STRA8: variants seen among roughly 807,000 people sequenced by gnomAD.
The protein encoded by STRA8 is stimulated by retinoic acid gene 8 protein homolog.
STRA8 carries 18 observed loss-of-function variants against 37.1 expected under a neutral mutation model. The ratio of observed to expected loss-of-function variants is 0.48; its 90% CI spans 0.34 to 0.72. The LOEUF (loss-of-function observed/expected upper bound fraction) is 0.72, where lower values mean the gene tolerates loss of function less well. Ranked by LOEUF, STRA8 falls within the 30% of genes least tolerant of loss-of-function variation. The pLI, the probability that STRA8 is intolerant of heterozygous loss-of-function variation, is 0.01. For synonymous variants in STRA8, 168 were observed against 162.9 expected (o/e 1.03, Z -0.24); for missense variants, 357 against 410.4 (o/e 0.87, Z 1.13).
chr7:135,235,029 G>A (rs1832349211), intron 1 of STRA8, among the ~76,000 whole-genome samples: 1 of 151,878 alleles, frequency 6.6e-6, no homozygotes, highest in African/African-American at 2.4e-5. Context: ...GGCACATGAC[G>A]CCCAGATAAT....
At chr7:135,232,131 TG>T, upstream of STRA8, 1 of 652,478 alleles carries the variant, frequency 1.5e-6, no homozygotes. Flanking sequence ...GGGCGGGAGG[TG>T]GGGTGACTAC....
chr7:135,245,860 C>A (rs1335865528), intron 5 of STRA8, among the ~76,000 whole-genome samples: 2 of 152,104 alleles, frequency 1.3e-5, no homozygotes, highest in African/African-American at 4.8e-5. Flanking sequence ...CTCTCTCCCC[C>A]AAAACACATA....
rs779839804 is a variant in STRA8, at chr7:135,246,550, G to A, written c.727G>A (p.Ala243Thr). ...LWQNLSEERKASLRQAWAQKH... is the reference protein window; with the variant it reads ...LWQNLSEERKTSLRQAWAQKH... ...GCAGAACCTCTCGGAGGAGAGGAAG[G>A]CCAGCCTCCGGCAGGCCTGGGCGCA... The change falls in exon 6 of 9, where the codon GCC becomes ACC. Residue 243 changes from alanine to threonine, a missense_variant. Coordinates refer to ENST00000662584, the MANE Select transcript of STRA8 (RefSeq NM_001394401.1). This position sits in a 1 kb window ranked among gnomAD's most constrained non-coding sequence, Gnocchi z 5.4. The A allele has an allele frequency of 2.6e-6, 4 of 1,568,490 alleles. No homozygotes were observed. Among genetic ancestry groups the A allele is most frequent in the South Asian group, 1.2e-5 (1 of 85,430 alleles).
At chr7:135,234,541 T>G (rs1832343006) in intron 1 of STRA8, among the ~76,000 whole-genome samples, 1 of 152,224 alleles carries the variant, frequency 6.6e-6, no homozygotes, top group African/African-American at 2.4e-5. Context: ...TCAAATATTT[T>G]GTGGACTGAT....
At chr7:135,232,214 C>T (rs541041383), upstream of STRA8, among the ~76,000 whole-genome samples, 2 of 151,798 alleles carry the variant, frequency 1.3e-5, no homozygotes, top group African/African-American at 2.4e-5. Context: ...GGATAAGGCT[C>T]CCCAAGACAG....
chr7:135,237,239 C>T (rs1238778509), intron 1 of STRA8, among the ~76,000 whole-genome samples: 1 of 152,166 alleles, frequency 6.6e-6, no homozygotes, highest in African/African-American at 2.4e-5. Context: ...AAATGCAGTT[C>T]CAGGCCCTAG....
chr7:135,245,266 T>C (rs772498957), intron 4 of STRA8, 22 bp from the exon 5 acceptor site: 2 of 780,968 alleles, frequency 2.6e-6, no homozygotes, highest in Non-Finnish European at 4.8e-6. Context: ...TATAGTTGTC[T>C]TGTTTCTGTT....
chr7:135,239,565 T>C (rs1295051083), intron 1 of STRA8, among the ~76,000 whole-genome samples: 4 of 152,186 alleles, frequency 2.6e-5, no homozygotes, highest in Admixed American at 2.6e-4. Context: ...AGTGACGAAG[T>C]CGCAGCCTCC....
upstream of STRA8, chr7:135,232,093 C>T (rs143750038): frequency 3.4e-4 from 400 of 1,191,794 alleles, 5 homozygotes; most frequent in East Asian, 0.011. Context: ...TCTGGGTGCA[C>T]ATCTGCTTGT....
rs1232560173 is a variant in STRA8, at chr7:135,246,743, A to G, written c.879+41A>G. ...GGGGTGGCGTGGATGGGGCACGGGA[A>G]CCACCCTCGCCCTCGCCTGGGGACA... On this transcript the variant is annotated intron_variant, in intron 6 of 8. Transcript: ENST00000662584. The surrounding 1 kb of genome is among the most constrained non-coding windows in gnomAD (Gnocchi z 5.4). 2.0e-6 allele frequency: 3 copies of G among 1,483,782 alleles called. No homozygotes were observed. Among genetic ancestry groups the G allele is most frequent in the African/African-American group, 1.4e-5 (1 of 70,572 alleles). The allele number at this position is 1,483,782 out of a possible 1,614,324, so 91.9% of individuals were successfully genotyped here.
chr7:135,233,198 G>A (rs919473919), upstream of STRA8, among the ~76,000 whole-genome samples: 1 of 152,166 alleles, frequency 6.6e-6, no homozygotes, highest in African/African-American at 2.4e-5. Context: ...CTACTACCCA[G>A]AGTGAACCCC....
chr7:135,250,811 GA>G (rs1367841925), intron 6 of STRA8, among the ~76,000 whole-genome samples: 8 of 152,204 alleles, frequency 5.3e-5, no homozygotes, highest in African/African-American at 1.9e-4. Context: ...TTCTTTATCT[GA>G]AATTCAAAAT....
chr7:135,246,386 G>T lies in STRA8; in HGVS notation c.594-31G>T, dbSNP rs1159695478. 16 of 1,581,542 alleles carry T rather than the reference G, an allele frequency of 1.0e-5. No individual in the cohort carries two copies. The highest frequency in any genetic ancestry group is 1.3e-5 in the Non-Finnish European group (15 of 1,162,274). On this transcript the variant is annotated intron_variant, in intron 5 of 8. Coordinates refer to ENST00000662584, the MANE Select transcript of STRA8 (RefSeq NM_001394401.1). The surrounding 1 kb of genome is among the most constrained non-coding windows in gnomAD (Gnocchi z 5.4). Reference sequence around the variant, plus strand: ...CGAATCGCTTCGAGAGGGAGCTTTAGGGGTGCGAGACGGCGCCGCTTCTGT... The same window carrying T: ...CGAATCGCTTCGAGAGGGAGCTTTATGGGTGCGAGACGGCGCCGCTTCTGT...
intron 1 of STRA8, among the ~76,000 whole-genome samples, chr7:135,237,364 T>G (rs1469336588): frequency 1.3e-5 from 2 of 152,216 alleles, no homozygotes; most frequent in Non-Finnish European, 2.9e-5. Context: ...CCGAGTTTTG[T>G]TTTTAAGTAA....
At chr7:135,232,078 T>A (rs369735343), upstream of STRA8, 16 of 1,596,102 alleles carry the variant, frequency 1.0e-5, no homozygotes, top group Admixed American at 6.7e-5. Context: ...CAGGACTACA[T>A]TTTTTCTGGG....
chr7:135,247,021 A>G (rs1199449113), intron 6 of STRA8: 3 of 281,406 alleles, frequency 1.1e-5, no homozygotes, highest in South Asian at 1.1e-4. Flanking sequence ...ATTTTTTTGT[A>G]TTTTTAGTAG....
chr7:135,240,269 C>A (rs959428443), intron 1 of STRA8, among the ~76,000 whole-genome samples: 2 of 152,158 alleles, frequency 1.3e-5, no homozygotes, highest in African/African-American at 4.8e-5. Context: ...TTTGTGTTGA[C>A]CCTGTATAAT....
intron 3 of STRA8, among the ~76,000 whole-genome samples, chr7:135,243,057 A>C (rs1177080953): frequency 1.3e-4 from 20 of 152,190 alleles, no homozygotes; most frequent in Non-Finnish European, 2.9e-5. Flanking sequence ...GGCCAGAGTC[A>C]CCAGGCCATG....
Position 135,245,382 on chromosome 7 carries a change from G to A in STRA8, c.448G>A (p.Glu150Lys), listed in dbSNP as rs1832531796. ...KDAEEEEDEE[E>K]EDQEEEEEEE... ...TGCTGAGGAGGAGGAAGATGAGGAAGAGGAAGATCAAGAAGAAGAGGAGGA... is the reference window on the plus strand; with the variant it reads ...TGCTGAGGAGGAGGAAGATGAGGAAAAGGAAGATCAAGAAGAAGAGGAGGA... Residue 150 changes from glutamate (E) to lysine (K), a missense_variant, in exon 5 of 9, where the codon GAG (glutamate) becomes AAG (lysine). By Grantham distance (56) the Glu-to-Lys change is moderately conservative. Coordinates refer to ENST00000662584, the MANE Select transcript of STRA8 (RefSeq NM_001394401.1). 1 of 777,646 alleles carries A rather than the reference G, an allele frequency of 1.3e-6. No homozygotes were observed. Among genetic ancestry groups the A allele is most frequent in the African/African-American group, 1.7e-5 (1 of 58,500 alleles). The allele number at this position is 777,646 out of a possible 1,614,324, so 48.2% of individuals were successfully genotyped here.
Sources: allele counts gnomAD v4.1 joint callset (sites outside exome capture counted in the v4.1 genomes callset), GRCh38; gene constraint gnomAD v4.1.1; non-coding constraint Gnocchi (gnomAD v3.1); transcripts MANE v1.5; gene names NCBI Gene and HGNC (gene_info 2026-07-23, HGNC 2026-07-21).